TTC29: variants seen among roughly 807,000 people sequenced by gnomAD.
The protein encoded by TTC29 is tetratricopeptide repeat domain 29.
Under a neutral mutation model 58.1 loss-of-function variants are expected in TTC29, and 49 were observed. The ratio of observed to expected loss-of-function variants is 0.84; its 90% confidence interval spans 0.67 to 1.07. The LOEUF (loss-of-function observed/expected upper bound fraction) is 1.07, where lower values mean the gene tolerates loss of function less well. Ranked by LOEUF, TTC29 falls within the 50% of genes least tolerant of loss-of-function variation. The pLI is 0.00. For missense variants in TTC29, 582 were observed against 555.6 expected, an observed-to-expected ratio of 1.05 and a Z score of -0.48; for synonymous variants, 209 against 196.8, an observed-to-expected ratio of 1.06 and a Z score of -0.52.
Position 146,806,621 on chromosome 4 carries a change from T to TAAA in TTC29, c.1102-2939_1102-2937dup, listed in dbSNP as rs201852371. On this transcript the variant is annotated intron_variant, in intron 10 of 12. Coordinates refer to ENST00000325106, the MANE Select transcript of TTC29 (RefSeq NM_031956.4). ...AAAACAGACTTTAAACCAACAAAGA[T>TAAA]AAAAAAAAAAAGACAAAGAAGGGCA... Among the ~76,000 whole-genome samples, 17 of 138,278 alleles carry TAAA rather than the reference T, an allele frequency of 1.2e-4. No individual in the cohort carries two copies. In the South Asian group the frequency reaches 1.4e-3, roughly 11 times the overall value. The allele number at this position is 138,278 out of a possible 152,430, so 90.7% of individuals were successfully genotyped here. A position where few individuals can be genotyped will look rare whatever the true frequency, so the allele number is the denominator to read the frequency against.
At chr4:146,787,129 G>A (rs1397508667) in intron 11 of TTC29, among the ~76,000 whole-genome samples, 1 of 152,084 alleles carries the variant, frequency 6.6e-6, no homozygotes, top group Non-Finnish European at 1.5e-5. Flanking sequence ...TGTTATTTGG[G>A]ATAAAATCTG....
chr4:146,900,668 T>C (rs1733083313), intron 6 of TTC29, among the ~76,000 whole-genome samples: 1 of 152,174 alleles, frequency 6.6e-6, no homozygotes, highest in African/African-American at 2.4e-5. Context: ...TATTTTAAGA[T>C]ATTTTTAAAA....
intron 11 of TTC29, among the ~76,000 whole-genome samples, chr4:146,708,316 A>ATATATATATATATATACATG (rs1742151004): frequency 7.7e-5 from 2 of 25,824 alleles, no homozygotes; most frequent in African/African-American, 1.5e-4. Flanking sequence ...GTTTATATAT[A>ATATATATATATATATACATG]TATATATATA....
chr4:146,707,273 G>A lies in TTC29; in HGVS notation c.1398-85C>T, dbSNP rs987825745. ...TGTTTTGAAAAATAATTTGTTTTCT[G>A]TAATTTTCAGATGTGGCTTCAAAAT... On this transcript the variant is annotated intron_variant, in intron 12 of 12. Transcript: ENST00000325106. 6.0e-6 allele frequency: 6 copies of A among 992,870 alleles called. No individual in the cohort carries two copies. The African/African-American group carries it at 1.0e-4, about 17-fold the overall frequency. The allele number at this position is 992,870 out of a possible 1,614,324, so 61.5% of individuals were successfully genotyped here. A position where few individuals can be genotyped will look rare whatever the true frequency, so the allele number is the denominator to read the frequency against.
intron 4 of TTC29, among the ~76,000 whole-genome samples, chr4:146,921,605 T>A: frequency 6.6e-6 from 1 of 151,014 alleles, no homozygotes; most frequent in South Asian, 2.1e-4. Flanking sequence ...TATAAACAGA[T>A]CAATTTACTG....
At chr4:146,920,703 T>G (rs1265371113) in intron 4 of TTC29, among the ~76,000 whole-genome samples, 1 of 151,188 alleles carries the variant, frequency 6.6e-6, no homozygotes, top group Non-Finnish European at 1.5e-5. Context: ...AGCCCCTTTT[T>G]TGATAAAATT....
chr4:146,911,639 G>A (rs1023287755), intron 4 of TTC29, among the ~76,000 whole-genome samples: 1 of 152,196 alleles, frequency 6.6e-6, no homozygotes, highest in South Asian at 2.1e-4. Flanking sequence ...CCATGTCTCT[G>A]GGGTTATCTT....
chr4:146,721,035 A>T (rs985732557), intron 11 of TTC29, among the ~76,000 whole-genome samples: 4 of 152,158 alleles, frequency 2.6e-5, no homozygotes, highest in Non-Finnish European at 5.9e-5. Flanking sequence ...TTAATCTGCA[A>T]TTATGGCATA....
chr4:146,907,793 C>T (rs2150280658), intron 5 of TTC29, among the ~76,000 whole-genome samples: 1 of 152,256 alleles, frequency 6.6e-6, no homozygotes, highest in Middle Eastern at 3.4e-3. Context: ...AGCCACCGCG[C>T]CCAGCCAAAA....
chr4:146,768,768 G>T (rs1324530456), intron 11 of TTC29, among the ~76,000 whole-genome samples: 1 of 151,988 alleles, frequency 6.6e-6, no homozygotes, highest in African/African-American at 2.4e-5. Context: ...TAAGAGCAGA[G>T]CATTACCTCA....
At chr4:146,753,209 AAAAC>A (rs1401063781) in intron 11 of TTC29, among the ~76,000 whole-genome samples, 4 of 152,190 alleles carry the variant, frequency 2.6e-5, no homozygotes, top group Non-Finnish European at 4.4e-5. Context: ...TTACAAGAAA[AAAAC>A]AAACAACCCC....
At chr4:146,741,841 G>A (rs1386170916) in intron 11 of TTC29, among the ~76,000 whole-genome samples, 1 of 152,134 alleles carries the variant, frequency 6.6e-6, no homozygotes, top group African/African-American at 2.4e-5. Context: ...ATTTCCATGG[G>A]AAGCTTCTCC....
In TTC29 at chr4:146,760,762, ATATATATGATGGAATAC is replaced by A. The variant is rs1319645170; in HGVS notation, c.1330+42678_1330+42694del. ...TATATACATATATATGTGTATATAT[ATATATATGATGGAATAC>A]TATATATATATGATGGAATACTATA... On this transcript the variant is annotated intron_variant, in intron 11 of 12. Transcript: ENST00000325106. Among the ~76,000 whole-genome samples, 355 of 141,148 alleles carry A rather than the reference ATATATATGATGGAATAC, an allele frequency of 2.5e-3. 3 individuals are homozygous for A. The highest frequency in any genetic ancestry group is 8.5e-3 in the African/African-American group (326 of 38,208). The allele number at this position is 141,148 out of a possible 152,430, so 92.6% of individuals were successfully genotyped here.
rs17021993 is a variant in TTC29, at chr4:146,832,843, C to A, written c.977+963G>T. 4.9e-3 allele frequency among the ~76,000 whole-genome samples: 738 copies of A among 152,138 alleles called. 5 individuals are homozygous for A. The highest frequency in any genetic ancestry group is 0.017 in the African/African-American group (696 of 41,498). On this transcript the variant is annotated intron_variant, in intron 9 of 12. Transcript: ENST00000325106. ...TAAACCATTTATCCAGTGATGACTG[C>A]GTTTTATTTATTTTGTAGGATATCT...
At chr4:146,852,173 G>T (rs1276149637) in intron 8 of TTC29, among the ~76,000 whole-genome samples, 2 of 152,204 alleles carry the variant, frequency 1.3e-5, no homozygotes, top group East Asian at 3.8e-4. Context: ...AACTGGTCCA[G>T]CAGCAGAGGG....
At chr4:146,766,838 G>A (rs1473497063) in intron 11 of TTC29, among the ~76,000 whole-genome samples, 1 of 152,040 alleles carries the variant, frequency 6.6e-6, no homozygotes, top group African/African-American at 2.4e-5. Context: ...TTGTGAATTG[G>A]GAAGAAGTAG....
At chr4:146,720,663 C>G (rs1323096776) in intron 11 of TTC29, among the ~76,000 whole-genome samples, 2 of 152,078 alleles carry the variant, frequency 1.3e-5, no homozygotes, top group East Asian at 3.8e-4. Flanking sequence ...TAGACTGGCT[C>G]TGGCCCATTA....
intron 9 of TTC29, among the ~76,000 whole-genome samples, chr4:146,824,632 GA>G (rs1727641393): frequency 6.6e-6 from 1 of 151,936 alleles, no homozygotes; most frequent in East Asian, 1.9e-4. Context: ...TGAGTTAGAG[GA>G]AATTCCTTCC....
chr4:146,817,978 C>A (rs1200308107), intron 10 of TTC29, among the ~76,000 whole-genome samples: 2 of 152,210 alleles, frequency 1.3e-5, no homozygotes, highest in East Asian at 3.9e-4. Context: ...ACCATAAAAA[C>A]CCTAGAAGAA....
Sources: allele counts gnomAD v4.1 joint callset (sites outside exome capture counted in the v4.1 genomes callset), GRCh38; gene constraint gnomAD v4.1.1; transcripts MANE v1.5; gene names NCBI Gene and HGNC (gene_info 2026-07-23, HGNC 2026-07-21).